PDE8B: variants seen among roughly 807,000 people sequenced by gnomAD.
PDE8B encodes the protein phosphodiesterase 8B.
PDE8B carries 26 observed loss-of-function variants against 101.3 expected under a neutral mutation model. The observed-to-expected ratio is 0.26, with a 90% CI of 0.19 to 0.36. The LOEUF (loss-of-function observed/expected upper bound fraction) is 0.36, where lower values mean the gene tolerates loss of function less well. Among genes scored for constraint, PDE8B ranks in the 10% least tolerant of loss-of-function variants. PDE8B has a pLI of 1.00. For synonymous variants in PDE8B, 424 were observed against 429.3 expected, an observed-to-expected ratio of 0.99 and a Z score of 0.15; for missense variants, 810 against 1,163.1, an observed-to-expected ratio of 0.70 and a Z score of 4.42.
At position 77,301,817 on chromosome 5, in the gene PDE8B, C is replaced by G. The variant is rs574888596; in HGVS notation, c.340-10177C>G. On this transcript the variant is annotated intron_variant, in intron 1 of 21. Transcript: ENST00000264917. ...ATTATTACATTATGAAAGCTTGATG[C>G]CTTGATTCCTGCACTGCATGTACGA... Among the ~76,000 whole-genome samples, 17 of 152,270 alleles carry G rather than the reference C, an allele frequency of 1.1e-4. No homozygotes were observed. In the South Asian group the frequency reaches 1.5e-3, roughly 13 times the overall value.
At chr5:77,270,557 G>C (rs1018823570) in intron 1 of PDE8B, among the ~76,000 whole-genome samples, 1 of 152,160 alleles carries the variant, frequency 6.6e-6, no homozygotes, top group African/African-American at 2.4e-5. Flanking sequence ...CTTAAGAGGT[G>C]GGGTGACATG....
intron 1 of PDE8B, among the ~76,000 whole-genome samples, chr5:77,255,580 GCCCC>G (rs1758960883): frequency 3.9e-5 from 6 of 152,146 alleles, no homozygotes; most frequent in Admixed American, 1.3e-4. Context: ...CACCTCCCCA[GCCCC>G]GAACTCCCCT....
chr5:77,228,471 G>T lies in PDE8B; in HGVS notation c.339+17207G>T, dbSNP rs969868365. On this transcript the variant is annotated intron_variant, in intron 1 of 21. Coordinates refer to ENST00000264917, the MANE Select transcript of PDE8B (RefSeq NM_003719.5). ...AGCATGGAACCTACCTGGCAGGGAA[G>T]TGGCTTCTCCAATAATGCAGTGTCT... is the stretch of plus-strand genomic sequence containing the variant. Among the ~76,000 whole-genome samples, 3 of 152,280 alleles carry T rather than the reference G, an allele frequency of 2.0e-5. No homozygotes were observed. In the East Asian group the frequency reaches 5.8e-4, roughly 29 times the overall value.
intron 8 of PDE8B, 117 bp from the exon 9 acceptor site, chr5:77,350,948 A>T (rs1040475573): frequency 1.0e-5 from 8 of 776,708 alleles, no homozygotes; most frequent in Admixed American, 5.9e-5. Flanking sequence ...TACAGCAGGC[A>T]TTGGGAAATG....
At chr5:77,282,310 C>G (rs780355676) in intron 1 of PDE8B, among the ~76,000 whole-genome samples, 2 of 152,032 alleles carry the variant, frequency 1.3e-5, no homozygotes, top group Non-Finnish European at 2.9e-5. Context: ...TTATTCAGCT[C>G]TCTCCCAGCA....
the PDE8B span, among the ~76,000 whole-genome samples, chr5:77,204,364 TCGCACCACTGTACTCAAGC>T: frequency 6.7e-6 from 1 of 148,902 alleles, no homozygotes. Flanking sequence ...TGAGCCGAGA[TCGCACCACTGTACTCAAGC>T]CTGGGTGACA....
rs1354392519 is a variant in PDE8B, at chr5:77,211,007, C to T, written c.82C>T (p.Gln28Ter). 1 of 1,549,730 alleles carries T rather than the reference C, an allele frequency of 6.5e-7. No homozygotes were observed. Among genetic ancestry groups the T allele is most frequent in the Admixed American group, 1.8e-5 (1 of 54,882 alleles). Residue 28 changes from glutamine (Q) to a stop codon, truncating the protein, a stop_gained, in exon 1 of 22, where the codon CAG (glutamine) becomes TAG (stop). Transcript: ENST00000264917. LOFTEE classifies it high-confidence loss of function. The surrounding 1 kb of genome is among the most constrained non-coding windows in gnomAD (Gnocchi z 4.1). Reference sequence around the variant, plus strand: ...CTCGGACGAGTCCAGCTCGCCCCGCCAGACCACCAGCGTGTCGCAGGGCCC... The same window carrying T: ...CTCGGACGAGTCCAGCTCGCCCCGCTAGACCACCAGCGTGTCGCAGGGCCC... ...RDSDESSSPR[Q>*]TTSVSQGPAA...
At chr5:77,367,092 A>C (rs986467917) in intron 10 of PDE8B, among the ~76,000 whole-genome samples, 1 of 152,130 alleles carries the variant, frequency 6.6e-6, no homozygotes, top group African/African-American at 2.4e-5. Flanking sequence ...CTTTTTAGAC[A>C]ATGTGGACTG....
At chr5:77,173,281 G>A in the PDE8B span, among the ~76,000 whole-genome samples, 8,782 of 152,242 alleles carry the variant, frequency 0.058, 264 homozygotes, top group African/African-American at 0.081. Context: ...CAAATGGAAA[G>A]TATGTGAGGA....
intron 1 of PDE8B, among the ~76,000 whole-genome samples, chr5:77,245,754 T>C (rs992796121): frequency 1.3e-4 from 20 of 151,748 alleles, no homozygotes; most frequent in African/African-American, 4.6e-4. Context: ...TATTTACATA[T>C]GATAACTTAT....
intron 1 of PDE8B, among the ~76,000 whole-genome samples, chr5:77,298,920 A>G (rs1769231169): frequency 6.6e-6 from 1 of 152,254 alleles, no homozygotes; most frequent in Non-Finnish European, 1.5e-5. Context: ...TTAGCTTAAA[A>G]ATTCATGTGA....
intron 10 of PDE8B, among the ~76,000 whole-genome samples, chr5:77,386,423 T>C (rs188008043): frequency 6.3e-4 from 96 of 152,324 alleles, no homozygotes; most frequent in African/African-American, 2.2e-3. Flanking sequence ...AGTCTCTTTG[T>C]AGGTCTCTAA....
At chr5:77,417,955 T>C (rs975607873) in intron 17 of PDE8B, among the ~76,000 whole-genome samples, 1 of 151,878 alleles carries the variant, frequency 6.6e-6, no homozygotes, top group Non-Finnish European at 1.5e-5. Flanking sequence ...TCAAAAGGCT[T>C]GTTTGGCCTC....
At chr5:77,346,234 C>T (rs1780131160) in intron 7 of PDE8B, among the ~76,000 whole-genome samples, 1 of 152,186 alleles carries the variant, frequency 6.6e-6, no homozygotes, top group Admixed American at 6.5e-5. Flanking sequence ...GATGCTGGCT[C>T]TTAGTGGCCC....
chr5:77,195,587 TA>T, the PDE8B span, among the ~76,000 whole-genome samples: 1 of 151,970 alleles, frequency 6.6e-6, no homozygotes, highest in African/African-American at 2.4e-5. Flanking sequence ...CCCTGCACAG[TA>T]AAAAAAGAAA....
intron 19 of PDE8B, among the ~76,000 whole-genome samples, chr5:77,420,142 A>G (rs1796330725): frequency 1.3e-5 from 2 of 152,232 alleles, no homozygotes; most frequent in South Asian, 4.1e-4. Flanking sequence ...CCCAAAGAAT[A>G]TGGAAGGAGA....
intron 1 of PDE8B, among the ~76,000 whole-genome samples, chr5:77,294,922 A>G (rs892265082): frequency 6.7e-6 from 1 of 149,864 alleles, no homozygotes; most frequent in African/African-American, 2.4e-5. Flanking sequence ...ATACATATAC[A>G]TATATAACTC....
At position 77,400,271 on chromosome 5, in the gene PDE8B, A is replaced by G; in HGVS notation, c.1191A>G (p.Ser397=). The G allele has an allele frequency of 1.2e-6, 2 of 1,602,820 alleles. No individual in the cohort carries two copies. Among genetic ancestry groups the G allele is most frequent in the Non-Finnish European group, 1.7e-6 (2 of 1,169,710 alleles). ...NKQIHKIHRD[S]GDNSQTEPHS... ...AGATTCACAAGATTCATCGTGATTC[A>G]GGAGACAATTCTCAGACAGGTGAGA... The change falls in exon 11 of 22, where the codon TCA becomes TCG. Residue 397 remains serine, a synonymous_variant. Coordinates refer to ENST00000264917, the MANE Select transcript of PDE8B (RefSeq NM_003719.5).
chr5:77,141,988 A>C, the PDE8B span: 4 of 152,236 alleles, frequency 2.6e-5, no homozygotes, highest in South Asian at 8.3e-4. Context: ...CCAACACGTA[A>C]CATAATGTAA....
Sources: allele counts gnomAD v4.1 joint callset (sites outside exome capture counted in the v4.1 genomes callset), GRCh38; gene constraint gnomAD v4.1.1; non-coding constraint Gnocchi (gnomAD v3.1); transcripts MANE v1.5; gene names NCBI Gene and HGNC (gene_info 2026-07-23, HGNC 2026-07-21).